The following DACH1 variants were observed in gnomAD, a reference collection of about 807,000 sequenced individuals.
The protein encoded by DACH1 is dachshund family transcription factor 1, also known as dachshund homolog 1.
A neutral mutation model predicts 54.2 loss-of-function variants in DACH1; 12 were observed. The observed-to-expected ratio is 0.22, with a 90% confidence interval of 0.14 to 0.36. DACH1 has a LOEUF of 0.36. Ranked by LOEUF, DACH1 falls within the 10% of genes least tolerant of loss-of-function variation. The pLI is 1.00. For synonymous variants in DACH1, 386 were observed against 366.2 expected (o/e 1.05, Z -0.62); for missense variants, 805 against 929.8 (o/e 0.87, Z 1.75).
chr13:71,833,488 T>G (rs753780732), intron 1 of DACH1, among the ~76,000 whole-genome samples: 6 of 152,022 alleles, frequency 3.9e-5, no homozygotes, highest in African/African-American at 9.7e-5. Flanking sequence ...CAGAGATTTA[T>G]AAACATATTG....
At chr13:71,750,765 G>A (rs1392280271) in intron 1 of DACH1, among the ~76,000 whole-genome samples, 1 of 152,064 alleles carries the variant, frequency 6.6e-6, no homozygotes, top group Non-Finnish European at 1.5e-5. Context: ...TACTTTTAAT[G>A]ATTCAATCAT....
chr13:71,461,512 G>A (rs1876073298), intron 10 of DACH1, among the ~76,000 whole-genome samples: 1 of 151,974 alleles, frequency 6.6e-6, no homozygotes, highest in South Asian at 2.1e-4. Flanking sequence ...TTAAGAATCT[G>A]CAACTTTGCA....
At chr13:71,483,302 C>T (rs1878209506) in intron 7 of DACH1, among the ~76,000 whole-genome samples, 2 of 148,944 alleles carry the variant, frequency 1.3e-5, no homozygotes, top group African/African-American at 2.5e-5. Context: ...TTGAATTCAA[C>T]GTCTATTTTG....
At chr13:71,449,339 A>G (rs1035460139) in intron 10 of DACH1, among the ~76,000 whole-genome samples, 1 of 152,156 alleles carries the variant, frequency 6.6e-6, no homozygotes, top group Non-Finnish European at 1.5e-5. Context: ...AGAAAAAAAA[A>G]GAAAGAAAAG....
At chr13:71,700,695 G>A (rs894381828) in intron 1 of DACH1, among the ~76,000 whole-genome samples, 1 of 151,870 alleles carries the variant, frequency 6.6e-6, no homozygotes, top group Non-Finnish European at 1.5e-5. Flanking sequence ...TGACTACCTG[G>A]ACAGCCCTGA....
chr13:71,561,815 A>T (rs141091549), intron 4 of DACH1, among the ~76,000 whole-genome samples: 2 of 152,190 alleles, frequency 1.3e-5, no homozygotes, highest in African/African-American at 2.4e-5. Flanking sequence ...AATGATGTAC[A>T]TTGCCAATAA....
At chr13:71,792,477 A>C (rs943904262) in intron 1 of DACH1, among the ~76,000 whole-genome samples, 5 of 152,190 alleles carry the variant, frequency 3.3e-5, no homozygotes, top group Non-Finnish European at 7.3e-5. Flanking sequence ...CTCAAAGTCA[A>C]AGGATACTTT....
chr13:71,492,351 A>G (rs755742848), intron 6 of DACH1, among the ~76,000 whole-genome samples: 18 of 152,214 alleles, frequency 1.2e-4, no homozygotes, highest in Non-Finnish European at 2.5e-4. Flanking sequence ...ATCCAATGGC[A>G]AGTGTCTTTT....
chr13:71,614,735 T>G (rs1025566298), intron 3 of DACH1, among the ~76,000 whole-genome samples: 14 of 151,418 alleles, frequency 9.2e-5, no homozygotes, highest in Admixed American at 5.3e-4. Flanking sequence ...ATGCCTGTAG[T>G]CCCAGCTACT....
In DACH1 at chr13:71,834,821, G is replaced by A. The variant is rs372265488; in HGVS notation, c.848+31101C>T. ...GCACATTTTTGCATTGGGAATCAGA[G>A]AAGATGCATAATTTTTGGAAGCTGA... On this transcript the variant is annotated intron_variant, in intron 1 of 10. Transcript: ENST00000613252. Among the ~76,000 whole-genome samples the A allele has an allele frequency of 5.9e-5, 9 of 152,054 alleles. No individual in the cohort carries two copies. The East Asian group carries it at 7.7e-4, about 13-fold the overall frequency.
chr13:71,657,029 T>C (rs1006609658), intron 2 of DACH1, among the ~76,000 whole-genome samples: 2 of 148,050 alleles, frequency 1.4e-5, no homozygotes, highest in South Asian at 4.3e-4. Flanking sequence ...CACACACATA[T>C]ATATACATAA....
At chr13:71,692,927 C>A (rs961090450) in intron 1 of DACH1, among the ~76,000 whole-genome samples, 3 of 152,064 alleles carry the variant, frequency 2.0e-5, no homozygotes, top group Admixed American at 6.5e-5. Context: ...AAATCTGAAT[C>A]TAATCAAAAA....
chr13:71,687,247 A>C (rs1261929390), intron 1 of DACH1, among the ~76,000 whole-genome samples: 2 of 152,120 alleles, frequency 1.3e-5, no homozygotes, highest in Non-Finnish European at 2.9e-5. Flanking sequence ...TTATATATAT[A>C]CACATATAAA....
At chr13:71,559,267 TATTG>T (rs1270442640) in intron 5 of DACH1, among the ~76,000 whole-genome samples, 1 of 152,184 alleles carries the variant, frequency 6.6e-6, no homozygotes, top group African/African-American at 2.4e-5. Flanking sequence ...TACTATGCAT[TATTG>T]ATTGTTACTA....
chr13:71,465,303 T>C (rs915053), intron 10 of DACH1, among the ~76,000 whole-genome samples: 138,385 of 152,046 alleles, frequency 0.91, 64,427 homozygotes, highest in East Asian at 1. Flanking sequence ...AATGAACAGA[T>C]TTAAAATGGG....
At chr13:71,521,105 A>G (rs1302521506) in intron 6 of DACH1, among the ~76,000 whole-genome samples, 1 of 151,994 alleles carries the variant, frequency 6.6e-6, no homozygotes, top group Admixed American at 6.6e-5. Context: ...ACTGCTATCT[A>G]TTAGCCACAT....
chr13:71,864,214 C>CACACA (rs35136330), intron 1 of DACH1, among the ~76,000 whole-genome samples: 9,282 of 112,798 alleles, frequency 0.082, 466 homozygotes, highest in East Asian at 0.27. Flanking sequence ...CACACACACA[C>CACACA]AACATTTACC....
At chr13:71,714,161 C>T (rs1349757946) in intron 1 of DACH1, among the ~76,000 whole-genome samples, 2 of 151,954 alleles carry the variant, frequency 1.3e-5, no homozygotes, top group Admixed American at 6.6e-5. Context: ...TTATGGTACA[C>T]TTTCATAGAA....
At chr13:71,753,814 A>T (rs1229335918) in intron 1 of DACH1, among the ~76,000 whole-genome samples, 5 of 152,268 alleles carry the variant, frequency 3.3e-5, no homozygotes, top group Admixed American at 1.3e-4. Context: ...GCTACCCCTA[A>T]AGCTGCCAAG....
Sources: gnomAD v4.1 joint callset for allele counts (sites outside exome capture counted in the v4.1 genomes callset) on GRCh38, gnomAD v4.1.1 for gene constraint, MANE v1.5 for transcripts, NCBI Gene and HGNC (gene_info 2026-07-23, HGNC 2026-07-21) for gene names.